The following HYCC1 variants were observed in gnomAD, a reference collection of about 807,000 sequenced individuals.
The protein encoded by HYCC1 is hyccin PI4KA lipid kinase complex subunit 1, also known as hyccin.
At chr7:22,930,387 G>GAAAAAAAAAAAAAAAAAAAAAA in the HYCC1 span, among the ~76,000 whole-genome samples, 1 of 98,784 alleles carries the variant, frequency 1.0e-5, no homozygotes. Context: ...AAAAGAAAAA[G>GAAAAAAAAAAAAAAAAAAAAAA]AAAAAGAAAA....
At chr7:22,903,523 C>G in the HYCC1 span, among the ~76,000 whole-genome samples, 1 of 152,110 alleles carries the variant, frequency 6.6e-6, no homozygotes, top group Non-Finnish European at 1.5e-5. Context: ...CAAGAAGAAA[C>G]AGAAAATCTG....
the HYCC1 span, among the ~76,000 whole-genome samples, chr7:23,002,136 GTATATATA>G: frequency 5.3e-3 from 404 of 76,578 alleles, 2 homozygotes; most frequent in African/African-American, 0.021. Context: ...GGTAAAAATT[GTATATATA>G]TATATATATA....
the HYCC1 span, among the ~76,000 whole-genome samples, chr7:22,927,252 C>T: frequency 6.6e-6 from 1 of 151,994 alleles, no homozygotes. Context: ...AACTGACACC[C>T]TAACATCACA....
chr7:22,902,012 G>T, the HYCC1 span, among the ~76,000 whole-genome samples: 1 of 152,014 alleles, frequency 6.6e-6, no homozygotes, highest in African/African-American at 2.4e-5. Context: ...CACCAAGACA[G>T]ACCATATGCT....
chr7:22,957,053 T>C, the HYCC1 span, among the ~76,000 whole-genome samples: 8 of 151,968 alleles, frequency 5.3e-5, no homozygotes, highest in African/African-American at 1.7e-4. Flanking sequence ...AGCTTTAAAA[T>C]ATTTTAAAAT....
chr7:22,951,850 A>G, the HYCC1 span, among the ~76,000 whole-genome samples: 4 of 152,078 alleles, frequency 2.6e-5, no homozygotes, highest in African/African-American at 7.2e-5. Context: ...AAATACCAAA[A>G]AAGTTTAAAT....
At chr7:22,946,670 T>C in the HYCC1 span, among the ~76,000 whole-genome samples, 1 of 152,082 alleles carries the variant, frequency 6.6e-6, no homozygotes, top group Non-Finnish European at 1.5e-5. Flanking sequence ...TAAAATTCTA[T>C]ACACATTATC....
the HYCC1 span, among the ~76,000 whole-genome samples, chr7:22,916,219 C>G: frequency 5.3e-5 from 8 of 152,174 alleles, no homozygotes; most frequent in Non-Finnish European, 8.8e-5. Flanking sequence ...AAAAACCGGA[C>G]AAGTCTTACA....
chr7:22,976,029 G>GT, the HYCC1 span, among the ~76,000 whole-genome samples: 1 of 152,128 alleles, frequency 6.6e-6, no homozygotes, highest in African/African-American at 2.4e-5. Context: ...CCTTTATCAT[G>GT]TTTTTTGTGA....
At chr7:22,978,234 C>A in the HYCC1 span, 1 of 1,601,790 alleles carries the variant, frequency 6.2e-7, no homozygotes, top group South Asian at 1.1e-5. Context: ...TTGATTTTGT[C>A]AAAAAAGATT....
the HYCC1 span, among the ~76,000 whole-genome samples, chr7:23,004,636 G>C: frequency 2.6e-5 from 4 of 151,068 alleles, no homozygotes; most frequent in African/African-American, 9.7e-5. Context: ...ATTATCATGG[G>C]TAAAAAAAAA....
the HYCC1 span, among the ~76,000 whole-genome samples, chr7:22,901,809 AAC>A: frequency 6.6e-6 from 1 of 152,216 alleles, no homozygotes; most frequent in Non-Finnish European, 1.5e-5. Context: ...TAAAGGGAGA[AAC>A]AGATAATTCT....
the HYCC1 span, among the ~76,000 whole-genome samples, chr7:22,923,018 T>G: frequency 1.6e-3 from 237 of 152,216 alleles, no homozygotes; most frequent in Non-Finnish European, 2.8e-3. Context: ...ATGCAGAAGA[T>G]CAACAAGAAA....
At chr7:22,897,827 G>T in the HYCC1 span, among the ~76,000 whole-genome samples, 2 of 151,918 alleles carry the variant, frequency 1.3e-5, no homozygotes, top group Non-Finnish European at 2.9e-5. Flanking sequence ...TAGAGATGGG[G>T]TTTTTTCATG....
At chr7:22,899,901 T>C in the HYCC1 span, among the ~76,000 whole-genome samples, 1 of 152,086 alleles carries the variant, frequency 6.6e-6, no homozygotes, top group Non-Finnish European at 1.5e-5. Context: ...TACAGCAAAA[T>C]AATCTGAAGA....
the HYCC1 span, chr7:22,940,111 T>C: frequency 6.6e-6 from 1 of 152,126 alleles, no homozygotes; most frequent in Non-Finnish European, 1.5e-5. Flanking sequence ...CAAGTACCCT[T>C]CTAAGAGTAG....
chr7:22,923,234 A>G, the HYCC1 span, among the ~76,000 whole-genome samples: 1 of 152,234 alleles, frequency 6.6e-6, no homozygotes, highest in Non-Finnish European at 1.5e-5. Flanking sequence ...AGGAATAAAA[A>G]TAGAAATTAT....
chr7:22,924,108 G>T, the HYCC1 span, among the ~76,000 whole-genome samples: 1 of 151,124 alleles, frequency 6.6e-6, no homozygotes, highest in African/African-American at 2.4e-5. Context: ...GAACCCAGGG[G>T]GTGAAAGTTG....
the HYCC1 span, among the ~76,000 whole-genome samples, chr7:23,010,747 G>A: frequency 6.6e-6 from 1 of 152,096 alleles, no homozygotes; most frequent in Non-Finnish European, 1.5e-5. Context: ...ATTCCCTCTG[G>A]AAAACAAAAT....
Sources: gnomAD v4.1 joint callset for allele counts (sites outside exome capture counted in the v4.1 genomes callset) on GRCh38, gnomAD v4.1.1 for gene constraint, MANE v1.5 for transcripts, NCBI Gene and HGNC (gene_info 2026-07-23, HGNC 2026-07-21) for gene names.